Variants in MYO5B observed in about 807,000 individuals in gnomAD.
The protein encoded by MYO5B is myosin VB.
In MYO5B, 143 loss-of-function variants were observed where a neutral mutation model predicts 229.3. The ratio of observed to expected loss-of-function variants is 0.62; its 90% CI spans 0.54 to 0.72. The LOEUF is 0.72. Among genes scored for constraint, MYO5B ranks in the 30% least tolerant of loss-of-function variants. The pLI, the probability that MYO5B is intolerant of heterozygous loss-of-function variation, is 0.00. For missense variants in MYO5B, 2,321 were observed against 2,331.0 expected, an observed-to-expected ratio of 1.00 and a Z score of 0.09; for synonymous variants, 918 against 885.2, an observed-to-expected ratio of 1.04 and a Z score of -0.66.
At chr18:49,843,687 A>C (rs2024090350) in intron 33 of MYO5B, among the ~76,000 whole-genome samples, 1 of 152,240 alleles carries the variant, frequency 6.6e-6, no homozygotes, top group Admixed American at 6.5e-5. Flanking sequence ...AATATGGAGG[A>C]AAAGTGCCTG....
intron 14 of MYO5B, among the ~76,000 whole-genome samples, chr18:49,943,504 T>A (rs1255136805): frequency 2.0e-5 from 3 of 152,142 alleles, no homozygotes; most frequent in Admixed American, 1.3e-4. Context: ...GCCAACATCA[T>A]AAAAAACCGA....
At chr18:49,874,437 C>T (rs902106269) in intron 26 of MYO5B, among the ~76,000 whole-genome samples, 2 of 152,192 alleles carry the variant, frequency 1.3e-5, no homozygotes, top group African/African-American at 4.8e-5. Context: ...GGGCAGCTTT[C>T]CTTCTAATTC....
rs886053859 is a variant in MYO5B, at chr18:49,824,300, A to G, written c.*2171T>C. The G allele has an allele frequency of 6.6e-6, 1 of 152,292 alleles. No individual in the cohort carries two copies. Among genetic ancestry groups the G allele is most frequent in the South Asian group, 2.1e-4 (1 of 4,836 alleles). 9.4% of individuals were successfully genotyped at this position (152,292 alleles called of 1,614,324 possible). A position where few individuals can be genotyped will look rare whatever the true frequency, so the allele number is the denominator to read the frequency against. On this transcript the variant is annotated 3_prime_UTR_variant, in exon 40 of 40. Coordinates refer to ENST00000285039, the MANE Select transcript of MYO5B (RefSeq NM_001080467.3). ...TAGTCATCTGTAAGTTTTAAGTACA[A>G]TTCCAGGATATACCTTTATCTTTTG...
chr18:50,174,161 C>A (rs1168181987), intron 1 of MYO5B, among the ~76,000 whole-genome samples: 4 of 152,104 alleles, frequency 2.6e-5, no homozygotes, highest in Non-Finnish European at 5.9e-5. Context: ...ATCAGTGACC[C>A]CACTCCCAGT....
chr18:50,009,789 A>T (rs1252839457), intron 4 of MYO5B, among the ~76,000 whole-genome samples: 1 of 152,216 alleles, frequency 6.6e-6, no homozygotes. Flanking sequence ...GAATGTTCCA[A>T]GCAAGAGAGT....
chr18:49,992,530 T>C (rs2025945330), intron 5 of MYO5B, 99 bp from the exon 6 acceptor site: 4 of 1,539,362 alleles, frequency 2.6e-6, no homozygotes, highest in Non-Finnish European at 2.7e-6. Context: ...TTCTCTTCCT[T>C]ACTTACAGAA....
chr18:50,137,767 G>A lies in MYO5B; in HGVS notation c.27+57000C>T, dbSNP rs1245211497. On this transcript the variant is annotated intron_variant, in intron 1 of 39. Coordinates refer to ENST00000285039, the MANE Select transcript of MYO5B (RefSeq NM_001080467.3). Reference sequence around the variant, plus strand: ...CAATGACAGATTGGATAAAGAATACGTGGTACACATACACCATGGAATACT... The same window carrying A: ...CAATGACAGATTGGATAAAGAATACATGGTACACATACACCATGGAATACT... Among the ~76,000 whole-genome samples the A allele has an allele frequency of 4.6e-5, 7 of 152,298 alleles. No homozygotes were observed. In the East Asian group the frequency reaches 7.7e-4, roughly 17 times the overall value.
At chr18:49,983,207 T>C (rs962346131) in intron 8 of MYO5B, among the ~76,000 whole-genome samples, 6 of 152,186 alleles carry the variant, frequency 3.9e-5, no homozygotes, top group Admixed American at 1.3e-4. Context: ...TGCCTACTGG[T>C]AGAATGTCAA....
intron 1 of MYO5B, among the ~76,000 whole-genome samples, chr18:50,183,845 A>G (rs1319222252): frequency 1.3e-5 from 2 of 151,946 alleles, no homozygotes; most frequent in Non-Finnish European, 2.9e-5. Context: ...CTATAGTGAG[A>G]CTGGATTCGT....
rs71169463 is a variant in MYO5B at position 49,953,894 on chromosome 18, A to ATGTGTGTGTG, written c.1668+409_1668+418dup. Among the ~76,000 whole-genome samples the ATGTGTGTGTG allele has an allele frequency of 1.7e-4, 18 of 108,468 alleles. 1 individual carries two copies. The highest frequency in any genetic ancestry group is 6.8e-4 in the Admixed American group (7 of 10,270). The allele number at this position is 108,468 out of a possible 152,430, so 71.2% of individuals were successfully genotyped here. A position where few individuals can be genotyped will look rare whatever the true frequency, so the allele number is the denominator to read the frequency against. ...TGCTTTAGAATTTATATATACATAT[A>ATGTGTGTGTG]TGTGTGTGTGTGTGTGTGTGTGTGT... On this transcript the variant is annotated intron_variant, in intron 13 of 39. Transcript: ENST00000285039.
intron 23 of MYO5B, 120 bp from the exon 24 acceptor site, chr18:49,879,210 T>C (rs571104510): frequency 2.4e-5 from 29 of 1,209,398 alleles, no homozygotes; most frequent in Admixed American, 3.6e-5. Flanking sequence ...TCAGAGGCTC[T>C]TGATGAATCT....
rs769960261 is a variant in MYO5B at position 49,902,865 on chromosome 18, G to A, written c.2572-32C>T. On this transcript the variant is annotated intron_variant, in intron 20 of 39. Coordinates refer to ENST00000285039, the MANE Select transcript of MYO5B (RefSeq NM_001080467.3). ...GGAAACAAGGATACACATCTTGTGG[G>A]TTTGCACTGCAGGACAGGAGTGAAG... 6.9e-6 allele frequency: 11 copies of A among 1,596,378 alleles called. No homozygotes were observed. In the East Asian group the frequency reaches 2.2e-4, roughly 32 times the overall value.
chr18:49,853,299 G>C, intron 31 of MYO5B, 150 bp downstream of exon 31: 4 of 780,366 alleles, frequency 5.1e-6, no homozygotes, highest in Non-Finnish European at 6.5e-6. Context: ...TCCAGTGAAG[G>C]GGTCTTGACC....
At position 50,059,641 on chromosome 18, in the gene MYO5B, T is replaced by C. The variant is rs139277452; in HGVS notation, c.28-4263A>G. Reference sequence around the variant, plus strand: ...GAGATTATAGCAGTTCATTGTTAAATCAGAATGAAGTGAACCCCCTGTTCT... The same window carrying C: ...GAGATTATAGCAGTTCATTGTTAAACCAGAATGAAGTGAACCCCCTGTTCT... On this transcript the variant is annotated intron_variant, in intron 1 of 39. Transcript: ENST00000285039. Among the ~76,000 whole-genome samples the C allele has an allele frequency of 1.1e-4, 16 of 152,306 alleles. No individual in the cohort carries two copies. The East Asian group carries it at 3.1e-3, about 29-fold the overall frequency.
chr18:50,108,589 G>A (rs1022158950), intron 1 of MYO5B, among the ~76,000 whole-genome samples: 5 of 152,080 alleles, frequency 3.3e-5, no homozygotes, highest in South Asian at 4.2e-4. Flanking sequence ...AGCCTAGACC[G>A]GCTACATGTT....
chr18:49,828,614 A>G (rs1056012966), intron 39 of MYO5B, among the ~76,000 whole-genome samples: 2 of 152,206 alleles, frequency 1.3e-5, no homozygotes, highest in Non-Finnish European at 2.9e-5. Context: ...CCCACTTAGC[A>G]GCATACACAT....
At chr18:49,982,604 CAG>C (rs1296280034) in intron 8 of MYO5B, among the ~76,000 whole-genome samples, 2 of 152,114 alleles carry the variant, frequency 1.3e-5, no homozygotes, top group African/African-American at 4.8e-5. Context: ...AGGAGTAAAA[CAG>C]GGGTTGGCAA....
At chr18:50,194,555 G>A (rs185380849) in intron 1 of MYO5B, among the ~76,000 whole-genome samples, 125 of 152,318 alleles carry the variant, frequency 8.2e-4, no homozygotes, top group African/African-American at 2.9e-3. Flanking sequence ...GGAGCCGGGT[G>A]GCCGGTCAGT....
At chr18:49,899,927 A>T (rs374180758) in intron 21 of MYO5B, among the ~76,000 whole-genome samples, 23 of 151,088 alleles carry the variant, frequency 1.5e-4, no homozygotes, top group African/African-American at 4.6e-4. Flanking sequence ...AGCTTTTTTT[A>T]TTTTTTTTTT....
Sources: allele counts gnomAD v4.1 joint callset (sites outside exome capture counted in the v4.1 genomes callset), GRCh38; gene constraint gnomAD v4.1.1; transcripts MANE v1.5; gene names NCBI Gene and HGNC (gene_info 2026-07-23, HGNC 2026-07-21).